The following SEC14L4 variants were observed in gnomAD, a reference collection of about 807,000 sequenced individuals.
SEC14L4 encodes the protein SEC14-like protein 4.
SEC14L4 carries 42 observed loss-of-function variants against 55.1 expected under a neutral mutation model. The ratio of observed to expected loss-of-function variants is 0.76; its 90% CI spans 0.60 to 0.99. SEC14L4 has a LOEUF of 0.99. SEC14L4 is among the 50% of genes least tolerant of loss of function. The pLI, the probability that SEC14L4 is intolerant of heterozygous loss-of-function variation, is 0.00. For synonymous variants in SEC14L4, 206 were observed against 206.8 expected (o/e 1.00, Z 0.03); for missense variants, 445 against 512.1 (o/e 0.87, Z 1.27).
At position 30,491,742 on chromosome 22, in the gene SEC14L4, C is replaced by A. The variant is rs867694330; in HGVS notation, c.912G>T (p.Arg304Ser). The A allele has an allele frequency of 6.2e-7, 1 of 1,614,112 alleles. No homozygotes were observed. Among genetic ancestry groups the A allele is most frequent in the Non-Finnish European group, 8.5e-7 (1 of 1,179,990 alleles). Residue 304 changes from arginine (R) to serine (S), a missense_variant and splice_region_variant, in exon 11 of 12, where the codon AGG becomes AGT. Transcript: ENST00000255858. ...CCCCACCATCTGAAGCAAACTGCCA[C>A]CTGCAGTGGATAGAGCCCCATTGGC... The part of the protein sequence containing the change: ...NEILFPGCVL[R>S]WQFASDGGDI...
Position 30,490,020 on chromosome 22 carries a change from C to T in SEC14L4, c.*87G>A. 6.3e-7 allele frequency: 1 copy of T among 1,580,806 alleles called. No homozygotes were observed. Among genetic ancestry groups the T allele is most frequent in the Non-Finnish European group, 8.6e-7 (1 of 1,162,114 alleles). Reference sequence around the variant, plus strand: ...GGGACAAGTGGCTCTCTGCAGCCACCTCCAGCACCACCCTGCCTGGGAAGG... The same window carrying T: ...GGGACAAGTGGCTCTCTGCAGCCACTTCCAGCACCACCCTGCCTGGGAAGG... On this transcript the variant is annotated 3_prime_UTR_variant, in exon 12 of 12. Coordinates refer to ENST00000255858, the MANE Select transcript of SEC14L4 (RefSeq NM_174977.4).
intron 1 of SEC14L4, 109 bp from the exon 2 acceptor site, chr22:30,503,861 C>T: frequency 1.3e-6 from 1 of 790,316 alleles, no homozygotes; most frequent in South Asian, 1.6e-5. Flanking sequence ...CACCAGAAGA[C>T]CATGCAGGGT....
In SEC14L4 at chr22:30,489,030, A is replaced by G. The variant is rs749298052; in HGVS notation, c.*1077T>C. On this transcript the variant is annotated 3_prime_UTR_variant, in exon 12 of 12. Transcript: ENST00000255858. ...GAGCACCTGTTCAGACTCTACGTAT[A>G]TGCACCCATGAATGGTGCAGCTGCC... 6.6e-6 allele frequency: 1 copy of G among 151,542 alleles called. No individual in the cohort carries two copies. Among genetic ancestry groups the G allele is most frequent in the East Asian group, 1.9e-4 (1 of 5,138 alleles). The allele number at this position is 151,542 out of a possible 1,614,324, so 9.4% of individuals were successfully genotyped here.
At position 30,491,634 on chromosome 22, in the gene SEC14L4, C is replaced by T. The variant is rs1482483774; in HGVS notation, c.1020G>A (p.Gln340=). The change falls in exon 11 of 12, where the codon CAG becomes CAA. Residue 340 remains glutamine (Q), a synonymous_variant. Transcript: ENST00000255858. Reference sequence around the variant, plus strand: ...CAGGCACCATGTGGGCATTGTAGCGCTGGCTGGGCAGCACCTCCGTCATCT... The same window carrying T: ...CAGGCACCATGTGGGCATTGTAGCGTTGGCTGGGCAGCACCTCCGTCATCT... ...AREMTEVLPS[Q]RYNAHMVPED... is the part of the protein sequence containing the mutation. 1.2e-6 allele frequency: 2 copies of T among 1,614,192 alleles called. No individual in the cohort carries two copies. The highest frequency in any genetic ancestry group is 2.2e-5 in the East Asian group (1 of 44,882).
chr22:30,504,047 A>ATATTATTATTATTATTAT (rs3067219), intron 1 of SEC14L4, among the ~76,000 whole-genome samples: 17 of 143,892 alleles, frequency 1.2e-4, no homozygotes, highest in African/African-American at 3.6e-4. Context: ...TATTATTTTT[A>ATATTATTATTATTATTAT]TATTATTATT....
At position 30,495,955 on chromosome 22, in the gene SEC14L4, C is replaced by T; in HGVS notation, c.147G>A (p.Leu49=). 6.2e-7 allele frequency: 1 copy of T among 1,613,972 alleles called. No homozygotes were observed. Among genetic ancestry groups the T allele is most frequent in the South Asian group, 1.1e-5 (1 of 91,038 alleles). The change falls in exon 3 of 12, where the codon CTG becomes CTA. Residue 49 remains leucine, a synonymous_variant. Coordinates refer to ENST00000255858, the MANE Select transcript of SEC14L4 (RefSeq NM_174977.4). The part of the protein sequence containing the change: ...LRWLRARNFD[L]QKSEDMLRRH... ...TTCGGAGCATGTCTTCGGATTTCTG[C>T]AGGTCAAAGTTTCGAGCTGCAAGAA... is the stretch of plus-strand genomic sequence containing the variant.
chr22:30,495,589 G>C lies in SEC14L4; in HGVS notation c.228C>G (p.Pro76=). ...GATGCTGCTCGAGGCTCACCTCAGG[G>C]GGCTGCCATGTGACAATGTTGTCCA... ...QDLDNIVTWQ[P]PEVIQLYDSG... is the part of the protein sequence containing the mutation. Residue 76 remains proline (P), a synonymous_variant, in exon 4 of 12, where the codon CCC becomes CCG. Transcript: ENST00000255858. 1 of 1,613,988 alleles carries C rather than the reference G, an allele frequency of 6.2e-7. No individual in the cohort carries two copies. The highest frequency in any genetic ancestry group is 1.1e-5 in the South Asian group (1 of 91,078).
chr22:30,498,605 T>C (rs1230345759), intron 2 of SEC14L4, among the ~76,000 whole-genome samples: 5 of 152,228 alleles, frequency 3.3e-5, no homozygotes, highest in African/African-American at 1.2e-4. Flanking sequence ...TAAACAGTAA[T>C]GTTGATTGAT....
chr22:30,495,969 G>C lies in SEC14L4; in HGVS notation c.133C>G (p.Arg45Gly), dbSNP rs759076488. 6.2e-7 allele frequency: 1 copy of C among 1,613,544 alleles called. No homozygotes were observed. Among genetic ancestry groups the C allele is most frequent in the Non-Finnish European group, 8.5e-7 (1 of 1,179,840 alleles). The change falls in exon 3 of 12, where the codon CGA (arginine) becomes GGA (glycine). Residue 45 changes from arginine to glycine, a missense_variant and splice_region_variant. Arg to Gly is a moderately radical substitution (Grantham distance 125). Coordinates refer to ENST00000255858, the MANE Select transcript of SEC14L4 (RefSeq NM_174977.4). ...TCGGATTTCTGCAGGTCAAAGTTTC[G>C]AGCTGCAAGAAGAGGAGGTAAATAG... ...DYFLLRWLRA[R>G]NFDLQKSEDM...
intron 2 of SEC14L4, among the ~76,000 whole-genome samples, chr22:30,499,342 C>A (rs1031429162): frequency 4.0e-5 from 6 of 151,204 alleles, no homozygotes; most frequent in Admixed American, 4.0e-4. Flanking sequence ...TTCGGCCTCC[C>A]AAAGTGCTGG....
At position 30,494,193 on chromosome 22, in the gene SEC14L4, T is replaced by C. The variant is rs113839640; in HGVS notation, c.537A>G (p.Glu179=). ...TCTTCAGGGTCTCAGGATAATTTGCTTCCAGGATGCTAAAAAACTGTGGAG... is the reference window on the plus strand; with the variant it reads ...TCTTCAGGGTCTCAGGATAATTTGCCTCCAGGATGCTAAAAAACTGTGGAG... The part of the protein sequence containing the change: ...EVYQQFFSIL[E]ANYPETLKNL... Residue 179 remains glutamate, a synonymous_variant, in exon 7 of 12, where the codon GAA becomes GAG. Transcript: ENST00000255858. 6.2e-7 allele frequency: 1 copy of C among 1,613,878 alleles called. No homozygotes were observed. Among genetic ancestry groups the C allele is most frequent in the Non-Finnish European group, 8.5e-7 (1 of 1,179,774 alleles).
intron 8 of SEC14L4, 99 bp downstream of exon 8, chr22:30,492,375 A>C (rs947285569): frequency 1.6e-6 from 2 of 1,226,544 alleles, no homozygotes; most frequent in Non-Finnish European, 2.4e-6. Context: ...GGCCAGGGGT[A>C]GTGCCCGAGT....
Position 30,489,856 on chromosome 22 carries a change from GTTCTCATTCTCAGCCGCA to G in SEC14L4, c.*233_*250del. ...CTCAGTGGACTGGATCATCTTCAGC[GTTCTCATTCTCAGCCGCA>G]TTCTCTGGGAACAGGGAAAGAGGTT... On this transcript the variant is annotated 3_prime_UTR_variant, in exon 12 of 12. Coordinates refer to ENST00000255858, the MANE Select transcript of SEC14L4 (RefSeq NM_174977.4). 3 of 1,551,370 alleles carry G rather than the reference GTTCTCATTCTCAGCCGCA, an allele frequency of 1.9e-6. No homozygotes were observed. Among genetic ancestry groups the G allele is most frequent in the Non-Finnish European group, 2.6e-6 (3 of 1,146,618 alleles).
chr22:30,497,076 C>T (rs1300604402), intron 2 of SEC14L4, among the ~76,000 whole-genome samples: 2 of 152,136 alleles, frequency 1.3e-5, no homozygotes, highest in Admixed American at 6.6e-5. Flanking sequence ...TGGTGGCTCA[C>T]GCCTGTAATT....
intron 7 of SEC14L4, 92 bp from the exon 8 acceptor site, chr22:30,492,649 G>T: frequency 1.1e-6 from 1 of 947,476 alleles, no homozygotes. Context: ...ACAGGAGGTG[G>T]ACAGATATGG....
At chr22:30,492,447 A>G (rs1164625119) in intron 8 of SEC14L4, 27 bp downstream of exon 8, 1 of 1,589,108 alleles carries the variant, frequency 6.3e-7, no homozygotes, top group Non-Finnish European at 8.6e-7. Flanking sequence ...AGGCAGATGG[A>G]CACAACCAGG....
At chr22:30,499,533 T>C (rs1057134375) in intron 2 of SEC14L4, among the ~76,000 whole-genome samples, 2 of 150,250 alleles carry the variant, frequency 1.3e-5, no homozygotes, top group Non-Finnish European at 3.0e-5. Context: ...AGGTCAGGAG[T>C]TCGAGACCAG....
chr22:30,498,578 G>T (rs1351827345), intron 2 of SEC14L4, among the ~76,000 whole-genome samples: 1 of 152,096 alleles, frequency 6.6e-6, no homozygotes, highest in Non-Finnish European at 1.5e-5. Flanking sequence ...ATTGGCAAAG[G>T]TCTCCAGTTC....
chr22:30,494,968 G>T lies in SEC14L4; in HGVS notation c.424-7C>A. On this transcript the variant is annotated splice_region_variant and splice_polypyrimidine_tract_variant and intron_variant, in intron 5 of 11. Coordinates refer to ENST00000255858, the MANE Select transcript of SEC14L4 (RefSeq NM_174977.4). Reference sequence around the variant, plus strand: ...TCTCGATCTTCCTGCCCAGCTGCTTGGGACAGAGTCATATAGGTCAGACGA... The same window carrying T: ...TCTCGATCTTCCTGCCCAGCTGCTTTGGACAGAGTCATATAGGTCAGACGA... 6.2e-7 allele frequency: 1 copy of T among 1,612,070 alleles called. No individual in the cohort carries two copies.
Sources: gnomAD v4.1 joint callset for allele counts (sites outside exome capture counted in the v4.1 genomes callset) on GRCh38, gnomAD v4.1.1 for gene constraint, MANE v1.5 for transcripts, NCBI Gene and HGNC (gene_info 2026-07-23, HGNC 2026-07-21) for gene names.